LGSN: variants seen among roughly 807,000 people sequenced by gnomAD.
The protein encoded by LGSN is lengsin, lens protein with glutamine synthetase domain.
A neutral mutation model predicts 19.5 loss-of-function variants in LGSN; 21 were observed. That is an observed-to-expected ratio of 1.07 (90% confidence interval 0.76 to 1.55). LGSN has a LOEUF of 1.55. Ranked by LOEUF, LGSN falls within the 40% of genes most tolerant of loss-of-function variation. LGSN has a pLI of 0.00. For missense variants in LGSN, 673 were observed against 608.5 expected, an observed-to-expected ratio of 1.11 and a Z score of -1.12; for synonymous variants, 257 against 215.6, an observed-to-expected ratio of 1.19 and a Z score of -1.68.
intron 3 of LGSN, among the ~76,000 whole-genome samples, chr6:63,284,436 C>T (rs997937142): frequency 6.6e-6 from 1 of 151,992 alleles, no homozygotes; most frequent in Admixed American, 6.5e-5. Flanking sequence ...TATATCAATC[C>T]TTAGCAAGTA....
the LGSN span, among the ~76,000 whole-genome samples, chr6:63,476,335 C>T: frequency 1.3e-5 from 2 of 152,104 alleles, no homozygotes; most frequent in African/African-American, 4.8e-5. Context: ...CAGGACTGTT[C>T]GATTAACTCT....
At chr6:63,424,984 A>G in the LGSN span, among the ~76,000 whole-genome samples, 195 of 152,094 alleles carry the variant, frequency 1.3e-3, 2 homozygotes, top group East Asian at 0.03. Flanking sequence ...GATAAAAGAC[A>G]TAAGACATTC....
intron 3 of LGSN, among the ~76,000 whole-genome samples, chr6:63,281,666 A>C (rs1767328318): frequency 6.6e-6 from 1 of 152,134 alleles, no homozygotes; most frequent in African/African-American, 2.4e-5. Context: ...GAGTTAACTG[A>C]CCCTCAAAAG....
chr6:63,345,862 T>A, the LGSN span, among the ~76,000 whole-genome samples: 1 of 152,218 alleles, frequency 6.6e-6, no homozygotes, highest in South Asian at 2.1e-4. Context: ...ATCTTTTACT[T>A]AAAAATTTTC....
the LGSN span, among the ~76,000 whole-genome samples, chr6:63,503,427 G>C: frequency 6.6e-6 from 1 of 152,222 alleles, no homozygotes; most frequent in South Asian, 2.1e-4. Flanking sequence ...CCAGGATCTG[G>C]AGATCACAAG....
chr6:63,492,132 A>G, the LGSN span, among the ~76,000 whole-genome samples: 1 of 152,052 alleles, frequency 6.6e-6, no homozygotes, highest in African/African-American at 2.4e-5. Context: ...TCTTCATTCT[A>G]CTTTATGTTC....
chr6:63,373,839 G>A, the LGSN span, among the ~76,000 whole-genome samples: 2 of 151,738 alleles, frequency 1.3e-5, no homozygotes, highest in Non-Finnish European at 2.9e-5. Flanking sequence ...GAAGGCTGAG[G>A]CACGAGAATG....
At chr6:63,473,472 T>TAAAAAAAAA in the LGSN span, among the ~76,000 whole-genome samples, 1 of 59,380 alleles carries the variant, frequency 1.7e-5, no homozygotes, top group Non-Finnish European at 2.9e-5. Context: ...ACACTCTGTC[T>TAAAAAAAAA]AAAAAAAAAA....
chr6:63,553,833 T>G, the LGSN span, among the ~76,000 whole-genome samples: 1 of 152,210 alleles, frequency 6.6e-6, no homozygotes, highest in Non-Finnish European at 1.5e-5. Flanking sequence ...CAGCCTGGGA[T>G]TATAATTGTA....
chr6:63,562,061 A>G, the LGSN span, among the ~76,000 whole-genome samples: 1 of 152,208 alleles, frequency 6.6e-6, no homozygotes, highest in African/African-American at 2.4e-5. Context: ...CACATCACCC[A>G]GTGACACCCA....
At chr6:63,409,337 T>G in the LGSN span, among the ~76,000 whole-genome samples, 1 of 152,238 alleles carries the variant, frequency 6.6e-6, no homozygotes, top group African/African-American at 2.4e-5. Context: ...CAAAATGTAA[T>G]CTAGTCAGTC....
the LGSN span, among the ~76,000 whole-genome samples, chr6:63,492,940 C>CT: frequency 1.8e-3 from 270 of 152,238 alleles, no homozygotes; most frequent in African/African-American, 6.0e-3. Flanking sequence ...TCATTTTTGC[C>CT]TGAAGTGCTG....
chr6:63,562,803 T>G, the LGSN span, among the ~76,000 whole-genome samples: 1 of 152,262 alleles, frequency 6.6e-6, no homozygotes, highest in African/African-American at 2.4e-5. Context: ...TGTCTTTCTC[T>G]AAGCATACTT....
the LGSN span, among the ~76,000 whole-genome samples, chr6:63,431,659 A>G: frequency 1.5e-5 from 2 of 135,096 alleles, no homozygotes; most frequent in Non-Finnish European, 3.1e-5. Flanking sequence ...AAATTAGATC[A>G]TTTATGTTAA....
the LGSN span, among the ~76,000 whole-genome samples, chr6:63,408,296 T>C: frequency 6.6e-6 from 1 of 150,654 alleles, no homozygotes; most frequent in African/African-American, 2.5e-5. Flanking sequence ...AAGGCTACAG[T>C]AACCAAAACA....
chr6:63,333,490 CGAAAGAACAAAAGAAT>C, the LGSN span, among the ~76,000 whole-genome samples: 14 of 136,688 alleles, frequency 1.0e-4, no homozygotes, highest in African/African-American at 1.4e-4. Context: ...AAAGAAGGAA[CGAAAGAACAAAAGAAT>C]GAAAGAACAA....
the LGSN span, among the ~76,000 whole-genome samples, chr6:63,437,027 G>A: frequency 4.1e-5 from 6 of 144,900 alleles, no homozygotes; most frequent in African/African-American, 1.3e-4. Context: ...ACAGAGCAAG[G>A]CTCTGTCAAA....
the LGSN span, among the ~76,000 whole-genome samples, chr6:63,551,382 GCAA>G: frequency 6.6e-6 from 1 of 151,978 alleles, no homozygotes; most frequent in Non-Finnish European, 1.5e-5. Flanking sequence ...GGTAATTTGG[GCAA>G]CAACAACAAA....
intron 1 of LGSN, among the ~76,000 whole-genome samples, chr6:63,301,302 A>G (rs1421829578): frequency 6.6e-6 from 1 of 152,138 alleles, no homozygotes. Context: ...AAAAAAATAA[A>G]TACAATAAAA....
Sources: gnomAD v4.1 joint callset for allele counts (sites outside exome capture counted in the v4.1 genomes callset) on GRCh38, gnomAD v4.1.1 for gene constraint, MANE v1.5 for transcripts, NCBI Gene and HGNC (gene_info 2026-07-23, HGNC 2026-07-21) for gene names.